Variants in ZDHHC14 observed in about 807,000 individuals in gnomAD.
ZDHHC14 encodes the protein zDHHC palmitoyltransferase 14, also known as palmitoyltransferase ZDHHC14.
In ZDHHC14, 16 loss-of-function variants were observed where a neutral mutation model predicts 47.7. That is an observed-to-expected ratio of 0.34 (90% CI 0.23 to 0.51). The LOEUF is 0.51. ZDHHC14 is among the 20% of genes least tolerant of loss of function. The pLI, the probability that ZDHHC14 is intolerant of heterozygous loss-of-function variation, is 0.97. For missense variants in ZDHHC14, 515 were observed against 662.5 expected (o/e 0.78, Z 2.44); for synonymous variants, 293 against 278.9 (o/e 1.05, Z -0.50).
At chr6:157,519,741 A>T (rs1780848209) in intron 1 of ZDHHC14, among the ~76,000 whole-genome samples, 1 of 152,172 alleles carries the variant, frequency 6.6e-6, no homozygotes, top group Non-Finnish European at 1.5e-5. Context: ...GAAAGGATTC[A>T]TCGTTTTTTT....
At chr6:157,437,363 A>G (rs1225960429) in intron 1 of ZDHHC14, among the ~76,000 whole-genome samples, 2 of 152,172 alleles carry the variant, frequency 1.3e-5, no homozygotes, top group Admixed American at 1.3e-4. Flanking sequence ...TTCTCTTTAT[A>G]GTAGTGTCGT....
At chr6:157,538,369 A>G (rs1232066969) in intron 1 of ZDHHC14, among the ~76,000 whole-genome samples, 1 of 152,216 alleles carries the variant, frequency 6.6e-6, no homozygotes, top group Non-Finnish European at 1.5e-5. Context: ...GAAGGAAGTT[A>G]CAGGACCTAG....
intron 4 of ZDHHC14, chr6:157,630,661 C>G (rs933095509): frequency 6.6e-6 from 1 of 150,664 alleles, no homozygotes; most frequent in South Asian, 2.1e-4. Context: ...CACACTCATA[C>G]TAGCCATACT....
At chr6:157,423,572 T>G (rs978489175) in intron 1 of ZDHHC14, among the ~76,000 whole-genome samples, 1 of 152,230 alleles carries the variant, frequency 6.6e-6, no homozygotes, top group African/African-American at 2.4e-5. Flanking sequence ...GTATGAATTT[T>G]CGGCATGTAT....
At chr6:157,485,871 G>T (rs376612352) in intron 1 of ZDHHC14, among the ~76,000 whole-genome samples, 1 of 152,046 alleles carries the variant, frequency 6.6e-6, no homozygotes. Context: ...ATATTAGCTG[G>T]GTGTGGTAGC....
intron 2 of ZDHHC14, among the ~76,000 whole-genome samples, chr6:157,546,622 G>A (rs1781982069): frequency 2.6e-5 from 4 of 152,146 alleles, no homozygotes; most frequent in Admixed American, 2.6e-4. Context: ...CAGGGGGCCA[G>A]GGAAGCTGGG....
chr6:157,499,960 G>A (rs9347315), intron 1 of ZDHHC14, among the ~76,000 whole-genome samples: 65,183 of 152,012 alleles, frequency 0.43, 14,170 homozygotes, highest in East Asian at 0.5. Flanking sequence ...AGGGGCTTAT[G>A]TTCTAGTAGG....
At chr6:157,453,313 A>G (rs1562431162) in intron 1 of ZDHHC14, among the ~76,000 whole-genome samples, 1 of 152,234 alleles carries the variant, frequency 6.6e-6, no homozygotes, top group East Asian at 1.9e-4. Flanking sequence ...ACAGGGTATC[A>G]ATACCCAAAA....
intron 7 of ZDHHC14, among the ~76,000 whole-genome samples, chr6:157,653,218 C>A (rs571725494): frequency 6.6e-6 from 1 of 152,250 alleles, no homozygotes; most frequent in Non-Finnish European, 1.5e-5. Context: ...CAGATGGTGA[C>A]AGGTGGGGGT....
intron 1 of ZDHHC14, among the ~76,000 whole-genome samples, chr6:157,419,587 T>G (rs978360682): frequency 3.9e-5 from 6 of 152,250 alleles, no homozygotes; most frequent in Non-Finnish European, 7.3e-5. Flanking sequence ...TTGGCTTCTT[T>G]CACTTAACCA....
At chr6:157,421,302 A>G (rs1440509122) in intron 1 of ZDHHC14, among the ~76,000 whole-genome samples, 5 of 151,708 alleles carry the variant, frequency 3.3e-5, no homozygotes, top group African/African-American at 1.2e-4. Context: ...GATCGAGACC[A>G]CGGTGAAACC....
At chr6:157,517,297 A>G (rs1008869130) in intron 1 of ZDHHC14, among the ~76,000 whole-genome samples, 8 of 150,414 alleles carry the variant, frequency 5.3e-5, no homozygotes, top group Non-Finnish European at 8.8e-5. Flanking sequence ...ACCCCCACTA[A>G]AAGACTTCTG....
chr6:157,440,790 T>C (rs1778546404), intron 1 of ZDHHC14, among the ~76,000 whole-genome samples: 2 of 152,202 alleles, frequency 1.3e-5, no homozygotes, highest in Non-Finnish European at 2.9e-5. Flanking sequence ...AGGTGCTAAG[T>C]GAAAGAAGAC....
chr6:157,546,377 A>G (rs551841585), intron 2 of ZDHHC14, among the ~76,000 whole-genome samples: 64 of 151,432 alleles, frequency 4.2e-4, no homozygotes, highest in Non-Finnish European at 7.1e-4. Context: ...TCTTCCTTAT[A>G]GAAGCCCATA....
At chr6:157,561,205 AAC>A (rs1311981546) in intron 2 of ZDHHC14, among the ~76,000 whole-genome samples, 1 of 151,588 alleles carries the variant, frequency 6.6e-6, no homozygotes, top group Non-Finnish European at 1.5e-5. Context: ...CTTCATTGAA[AAC>A]AATCTATCCC....
At chr6:157,491,563 TTTC>T (rs202015546) in intron 1 of ZDHHC14, among the ~76,000 whole-genome samples, 7,060 of 152,056 alleles carry the variant, frequency 0.046, 569 homozygotes, top group African/African-American at 0.16. Context: ...ATTATATCGG[TTTC>T]TTCTTCTTTA....
chr6:157,525,157 GT>G (rs1365936915), intron 1 of ZDHHC14, among the ~76,000 whole-genome samples: 2 of 151,956 alleles, frequency 1.3e-5, no homozygotes, highest in African/African-American at 4.8e-5. Context: ...CTGGGATTTT[GT>G]TTTTTGTTTT....
At chr6:157,469,153 C>G (rs776127045) in intron 1 of ZDHHC14, among the ~76,000 whole-genome samples, 60 of 152,334 alleles carry the variant, frequency 3.9e-4, no homozygotes, top group Admixed American at 3.1e-3. Flanking sequence ...GCATGGTACT[C>G]TGAACTCCAA....
intron 6 of ZDHHC14, chr6:157,646,160 C>T: frequency 4.4e-6 from 1 of 224,784 alleles, no homozygotes; most frequent in Admixed American, 5.6e-5. Flanking sequence ...CACACTTCCC[C>T]TGGTAGAGAC....
Sources: allele counts gnomAD v4.1 joint callset (sites outside exome capture counted in the v4.1 genomes callset), GRCh38; gene constraint gnomAD v4.1.1; transcripts MANE v1.5; gene names NCBI Gene and HGNC (gene_info 2026-07-23, HGNC 2026-07-21).